PEMT: variants seen among roughly 807,000 people sequenced by gnomAD.
PEMT encodes phospholipid methyltransferase.
A neutral mutation model predicts 27.4 loss-of-function variants in PEMT; 23 were observed. The ratio of observed to expected loss-of-function variants is 0.84; its 90% CI spans 0.60 to 1.19. The LOEUF is 1.19. Ranked by LOEUF, PEMT falls within the 50% of genes most tolerant of loss-of-function variation. The pLI, the probability that PEMT is intolerant of heterozygous loss-of-function variation, is 0.00. For missense variants in PEMT, 307 were observed against 310.1 expected, an observed-to-expected ratio of 0.99 and a Z score of 0.07; for synonymous variants, 137 against 139.1, an observed-to-expected ratio of 0.98 and a Z score of 0.11.
chr17:17,579,350 T>A (rs2142750462), intron 1 of PEMT, among the ~76,000 whole-genome samples: 1 of 152,318 alleles, frequency 6.6e-6, no homozygotes, highest in East Asian at 1.9e-4. Context: ...AACAATCATC[T>A]CACTGTAGGG....
intron 2 of PEMT, among the ~76,000 whole-genome samples, chr17:17,557,407 C>G (rs1333156846): frequency 2.0e-5 from 3 of 152,296 alleles, no homozygotes; most frequent in South Asian, 4.1e-4. Flanking sequence ...ACAGGAAACA[C>G]AAAATGGAAG....
chr17:17,542,245 A>T (rs6502602), intron 2 of PEMT, among the ~76,000 whole-genome samples: 73,906 of 152,066 alleles, frequency 0.49, 18,271 homozygotes, highest in Non-Finnish European at 0.54. Context: ...CCTCCCAAAG[A>T]GCTGGGATTA....
chr17:17,538,030 G>A (rs1049683477), intron 2 of PEMT, among the ~76,000 whole-genome samples: 3 of 152,218 alleles, frequency 2.0e-5, no homozygotes, highest in East Asian at 1.9e-4. Flanking sequence ...AGCTGCTGCC[G>A]GGACCCATGG....
In PEMT at chr17:17,505,729, G is replaced by T. The variant is rs1905771622; in HGVS notation, c.*62C>A. 1 of 1,524,198 alleles carries T rather than the reference G, an allele frequency of 6.6e-7. No individual in the cohort carries two copies. Among genetic ancestry groups the T allele is most frequent in the South Asian group, 1.3e-5 (1 of 79,038 alleles). 94.4% of individuals were successfully genotyped at this position (1,524,198 alleles called of 1,614,324 possible). A position where few individuals can be genotyped will look rare whatever the true frequency, so the allele number is the denominator to read the frequency against. On this transcript the variant is annotated 3_prime_UTR_variant, in exon 7 of 7. Transcript: ENST00000255389. The stretch of plus-strand genomic sequence containing the variant: ...AGGCACCATTCTCGCCCTGCGCAGG[G>T]CCTGCCACTTGGGGCAGGCCAGGAG...
intron 1 of PEMT, among the ~76,000 whole-genome samples, chr17:17,580,654 G>A (rs951738744): frequency 2.0e-5 from 3 of 152,138 alleles, no homozygotes; most frequent in Non-Finnish European, 4.4e-5. Flanking sequence ...CAGACCCTAT[G>A]AGTGGGCCAG....
intron 2 of PEMT, among the ~76,000 whole-genome samples, chr17:17,547,433 G>T (rs1363378073): frequency 6.6e-6 from 1 of 152,254 alleles, no homozygotes; most frequent in Non-Finnish European, 1.5e-5. Flanking sequence ...GCTCGCCAAA[G>T]AACAGGGTGC....
chr17:17,546,866 G>T (rs966230628), intron 2 of PEMT, among the ~76,000 whole-genome samples: 25 of 152,252 alleles, frequency 1.6e-4, no homozygotes, highest in Non-Finnish European at 2.8e-4. Context: ...AAGCAAAGTT[G>T]GTTCATTTGC....
rs1907444851 is a variant in PEMT at position 17,523,560 on chromosome 17, C to A, written c.205-1165G>T. On this transcript the variant is annotated intron_variant, in intron 2 of 6. Transcript: ENST00000255389. This position sits in a 1 kb window ranked among gnomAD's most constrained non-coding sequence, Gnocchi z 4.8. ...GAAGTGAAGGAGGTAGCTCCCGGGC[C>A]TTCCCCTCAACCAGCTGTTGGCACT... is the stretch of plus-strand genomic sequence containing the variant. 6.6e-6 allele frequency among the ~76,000 whole-genome samples: 1 copy of A among 152,172 alleles called. No homozygotes were observed. The highest frequency in any genetic ancestry group is 2.4e-5 in the African/African-American group (1 of 41,446).
Position 17,543,820 on chromosome 17 carries a change from C to T in PEMT, c.205-21425G>A, listed in dbSNP as rs1176961384. Reference sequence around the variant, plus strand: ...TCAGGTGACCTGCTTGCCTCAGCCTCCCAGAGTGTTGGGATTACGGGCGTG... The same window carrying T: ...TCAGGTGACCTGCTTGCCTCAGCCTTCCAGAGTGTTGGGATTACGGGCGTG... On this transcript the variant is annotated intron_variant, in intron 2 of 6. Transcript: ENST00000255389. Among the ~76,000 whole-genome samples, 3 of 152,200 alleles carry T rather than the reference C, an allele frequency of 2.0e-5. No individual in the cohort carries two copies. In the East Asian group the frequency reaches 5.8e-4, roughly 29 times the overall value.
intron 2 of PEMT, among the ~76,000 whole-genome samples, chr17:17,552,570 C>T (rs1444049734): frequency 6.6e-6 from 1 of 152,224 alleles, no homozygotes; most frequent in African/African-American, 2.4e-5. Flanking sequence ...GGAGTCCACC[C>T]CCATTCCCGG....
chr17:17,553,450 A>G (rs1177117422), intron 2 of PEMT, among the ~76,000 whole-genome samples: 1 of 152,186 alleles, frequency 6.6e-6, no homozygotes, highest in Admixed American at 6.5e-5. Flanking sequence ...CCACACACAC[A>G]GGCCCTTACC....
chr17:17,519,605 G>T (rs891951857), intron 3 of PEMT, among the ~76,000 whole-genome samples: 1 of 152,172 alleles, frequency 6.6e-6, no homozygotes, highest in Admixed American at 6.5e-5. Flanking sequence ...CACAGCACTC[G>T]GCTGGGGCCT....
intron 2 of PEMT, among the ~76,000 whole-genome samples, chr17:17,554,083 C>T (rs950673175): frequency 6.6e-6 from 1 of 152,254 alleles, no homozygotes; most frequent in African/African-American, 2.4e-5. Flanking sequence ...AGGCCAGGCT[C>T]GGGGCCTGGT....
intron 2 of PEMT, among the ~76,000 whole-genome samples, chr17:17,536,166 G>A (rs551971136): frequency 2.6e-5 from 4 of 152,328 alleles, no homozygotes; most frequent in African/African-American, 7.2e-5. Flanking sequence ...CACACCAGGC[G>A]CTGGGGTGAG....
At chr17:17,591,386 T>TCCCCCCCCCCCCCCCCCCCCCCCCC in intron 1 of PEMT, 145 bp downstream of exon 1, 1 of 685,288 alleles carries the variant, frequency 1.5e-6, no homozygotes, top group Non-Finnish European at 2.4e-6. Context: ...CGCACGCGGC[T>TCCCCCCCCCCCCCCCCCCCCCCCCC]CCCCCACCCC....
At chr17:17,562,112 T>C (rs1910525846) in intron 2 of PEMT, among the ~76,000 whole-genome samples, 1 of 152,318 alleles carries the variant, frequency 6.6e-6, no homozygotes, top group South Asian at 2.1e-4. Context: ...CCTGCCATGA[T>C]GCATCCATGT....
intron 2 of PEMT, among the ~76,000 whole-genome samples, chr17:17,538,311 C>T (rs1042586102): frequency 6.6e-6 from 1 of 152,244 alleles, no homozygotes; most frequent in African/African-American, 2.4e-5. Context: ...TGTGCCATTG[C>T]TGTCACAGCT....
chr17:17,536,272 G>C (rs745425245), intron 2 of PEMT, among the ~76,000 whole-genome samples: 1 of 152,258 alleles, frequency 6.6e-6, no homozygotes, highest in Non-Finnish European at 1.5e-5. Context: ...CACACAGTGA[G>C]TAAATGGATT....
At chr17:17,519,769 T>C (rs1727925515) in intron 3 of PEMT, among the ~76,000 whole-genome samples, 1 of 151,852 alleles carries the variant, frequency 6.6e-6, no homozygotes, top group South Asian at 2.1e-4. Flanking sequence ...GCCTCTGGGG[T>C]TTCTAGTGCA....
Sources: allele counts gnomAD v4.1 joint callset (sites outside exome capture counted in the v4.1 genomes callset), GRCh38; gene constraint gnomAD v4.1.1; non-coding constraint Gnocchi (gnomAD v3.1); transcripts MANE v1.5; gene names NCBI Gene and HGNC (gene_info 2026-07-23, HGNC 2026-07-21).